CCL18: variants seen among roughly 807,000 people sequenced by gnomAD.
The protein encoded by CCL18 is C-C motif chemokine ligand 18.
CCL18 carries 7 observed loss-of-function variants against 8.0 expected under a neutral mutation model. The ratio of observed to expected loss-of-function variants is 0.87; its 90% CI spans 0.50 to 1.64. The LOEUF (loss-of-function observed/expected upper bound fraction) is 1.64. Among genes scored for constraint, CCL18 ranks in the 40% most tolerant of loss-of-function variants. CCL18 has a pLI of 0.00. For missense variants in CCL18, 95 were observed against 107.8 expected (o/e 0.88, Z 0.52); for synonymous variants, 35 against 41.3 (o/e 0.85, Z 0.59).
intron 1 of CCL18, 43 bp downstream of exon 1, chr17:36,064,452 A>G: frequency 6.7e-7 from 1 of 1,489,108 alleles, no homozygotes; most frequent in Non-Finnish European, 9.3e-7. Context: ...CCTGGGCAGA[A>G]GTCAGGCGAC....
chr17:36,069,081 T>C (rs1305447551), intron 1 of CCL18, among the ~76,000 whole-genome samples: 2 of 152,100 alleles, frequency 1.3e-5, no homozygotes, highest in African/African-American at 4.8e-5. Flanking sequence ...TCTCACACTC[T>C]TGGCTTCAAG....
intron 2 of CCL18, 95 bp from the exon 3 acceptor site, chr17:36,070,856 A>T (rs567278815): frequency 2.1e-6 from 2 of 934,396 alleles, no homozygotes; most frequent in East Asian, 4.8e-5. Flanking sequence ...GCACGAGGAC[A>T]GGCCCTGAGA....
Position 36,067,394 on chromosome 17 carries a change from A to C in CCL18, c.67+2985A>C, listed in dbSNP as rs73290783. 6.3e-3 allele frequency among the ~76,000 whole-genome samples: 952 copies of C among 152,260 alleles called. 11 individuals are homozygous for C. The highest frequency in any genetic ancestry group is 0.022 in the African/African-American group (896 of 41,552). ...ACAGATGTTTGGCACAACTTATAAC[A>C]ATGAAAAATTGGCCAGGTGCAGTGG... On this transcript the variant is annotated intron_variant, in intron 1 of 2. Coordinates refer to ENST00000616054, the MANE Select transcript of CCL18 (RefSeq NM_002988.4).
chr17:36,065,428 A>G (rs933554881), intron 1 of CCL18, among the ~76,000 whole-genome samples: 1 of 152,130 alleles, frequency 6.6e-6, no homozygotes, highest in Non-Finnish European at 1.5e-5. Context: ...AGTCCATAGT[A>G]GCTCCCACCT....
At chr17:36,070,619 C>A in intron 2 of CCL18, 61 bp downstream of exon 2, 2 of 1,026,646 alleles carry the variant, frequency 1.9e-6, no homozygotes, top group Non-Finnish European at 3.1e-6. Context: ...GGGGTGAGGT[C>A]CCCTCAGAGT....
intron 1 of CCL18, among the ~76,000 whole-genome samples, chr17:36,068,566 T>C (rs2066849345): frequency 6.6e-6 from 1 of 152,242 alleles, no homozygotes; most frequent in African/African-American, 2.4e-5. Context: ...TTTGGTGTAA[T>C]CTATAGTTCA....
At chr17:36,070,624 C>A (rs2066860689) in intron 2 of CCL18, 66 bp downstream of exon 2, 1 of 963,376 alleles carries the variant, frequency 1.0e-6, no homozygotes, top group Admixed American at 1.8e-5. Context: ...GAGGTCCCCT[C>A]AGAGTACTCA....
chr17:36,067,513 C>G (rs2066843777), intron 1 of CCL18, among the ~76,000 whole-genome samples: 1 of 152,056 alleles, frequency 6.6e-6, no homozygotes, highest in Admixed American at 6.6e-5. Flanking sequence ...ATGGTGAAAC[C>G]TCATCTTCAC....
chr17:36,066,146 T>C (rs1486074003), intron 1 of CCL18, among the ~76,000 whole-genome samples: 3 of 152,206 alleles, frequency 2.0e-5, no homozygotes, highest in African/African-American at 7.2e-5. Flanking sequence ...GCCCAGAACA[T>C]TTTGAAACCT....
intron 1 of CCL18, among the ~76,000 whole-genome samples, chr17:36,065,520 A>G (rs712042): frequency 0.27 from 41,384 of 152,030 alleles, 8,307 homozygotes; most frequent in African/African-American, 0.56. Context: ...AGAAGGACTG[A>G]TGCTGACATT....
rs752448782 is a variant in CCL18 at position 36,071,065 on chromosome 17, C to T, written c.*24C>T. On this transcript the variant is annotated 3_prime_UTR_variant, in exon 3 of 3. Coordinates refer to ENST00000616054, the MANE Select transcript of CCL18 (RefSeq NM_002988.4). ...GAGGGGCCTGGAAGCTGCGAGGGCC[C>T]AGTGAACTTGGTGGGCCCAGGAGGG... is the stretch of plus-strand genomic sequence containing the variant. The T allele has an allele frequency of 3.8e-6, 6 of 1,569,024 alleles. No individual in the cohort carries two copies. The East Asian group carries it at 1.1e-4, about 29-fold the overall frequency.
intron 1 of CCL18, among the ~76,000 whole-genome samples, chr17:36,065,764 G>A (rs1004922265): frequency 4.7e-4 from 72 of 152,158 alleles, no homozygotes; most frequent in African/African-American, 1.6e-3. Flanking sequence ...AGGAAGTCAG[G>A]CATTCATCCT....
chr17:36,064,297 T>C lies in CCL18; in HGVS notation c.-46T>C. ...AGAAGGAGGCCAGGAGTTGTGAGTT[T>C]CCAAGCCCCAGCTCACTCTGACCAC... On this transcript the variant is annotated 5_prime_UTR_variant, in exon 1 of 3. Coordinates refer to ENST00000616054, the MANE Select transcript of CCL18 (RefSeq NM_002988.4). The C allele has an allele frequency of 6.6e-7, 1 of 1,522,994 alleles. No individual in the cohort carries two copies. The allele number at this position is 1,522,994 out of a possible 1,614,324, so 94.3% of individuals were successfully genotyped here.
At chr17:36,064,984 C>T (rs2066829430) in intron 1 of CCL18, among the ~76,000 whole-genome samples, 1 of 152,168 alleles carries the variant, frequency 6.6e-6, no homozygotes, top group African/African-American at 2.4e-5. Context: ...CTGAGCTATG[C>T]TGTCTCCCTT....
intron 1 of CCL18, among the ~76,000 whole-genome samples, chr17:36,067,622 G>A (rs1191131641): frequency 6.6e-6 from 1 of 152,032 alleles, no homozygotes; most frequent in African/African-American, 2.4e-5. Flanking sequence ...GGGAAGTGGG[G>A]GTTGCATTGA....
Position 36,071,360 on chromosome 17 carries a change from A to G in CCL18, c.*319A>G. On this transcript the variant is annotated 3_prime_UTR_variant, in exon 3 of 3. Transcript: ENST00000616054. ...ATCAATCAGTGTGATTAGCTTTCTC[A>G]GCAGACATTGTGCCATATGTATCAA... is the stretch of plus-strand genomic sequence containing the variant. 3.4e-6 allele frequency: 1 copy of G among 296,106 alleles called. No individual in the cohort carries two copies. The highest frequency in any genetic ancestry group is 6.3e-6 in the Non-Finnish European group (1 of 159,560). The allele number at this position is 296,106 out of a possible 1,614,324, so 18.3% of individuals were successfully genotyped here.
Position 36,071,870 on chromosome 17 carries a change from A to G in CCL18, c.*829A>G, listed in dbSNP as rs2066868665. 1 of 152,216 alleles carries G rather than the reference A, an allele frequency of 6.6e-6. No individual in the cohort carries two copies. The allele number at this position is 152,216 out of a possible 1,614,324, so 9.4% of individuals were successfully genotyped here. On this transcript the variant is annotated 3_prime_UTR_variant, in exon 3 of 3. Transcript: ENST00000616054. The stretch of plus-strand genomic sequence containing the variant: ...AGTAAAAGTCTAGCAAATACTGCCC[A>G]TAGTCTAGCAAGGACTCCTTACCTG...
chr17:36,070,308 C>A, intron 1 of CCL18, 139 bp from the exon 2 acceptor site: 1 of 526,754 alleles, frequency 1.9e-6, no homozygotes. Flanking sequence ...CAGCTTCCTT[C>A]TGGATCTCTT....
At chr17:36,070,926 T>C in intron 2 of CCL18, 25 bp from the exon 3 acceptor site, 2 of 1,564,120 alleles carry the variant, frequency 1.3e-6, no homozygotes, top group South Asian at 1.1e-5. Context: ...TCGTCAGTTC[T>C]TAACTCTTCC....
Sources: allele counts gnomAD v4.1 joint callset (sites outside exome capture counted in the v4.1 genomes callset), GRCh38; gene constraint gnomAD v4.1.1; transcripts MANE v1.5; gene names NCBI Gene and HGNC (gene_info 2026-07-23, HGNC 2026-07-21).